The following LAMTOR1 variants were observed in gnomAD, a reference collection of about 807,000 sequenced individuals.
LAMTOR1 encodes late endosomal/lysosomal adaptor, MAPK and MTOR activator 1.
Under a neutral mutation model 20.5 loss-of-function variants are expected in LAMTOR1, and 8 were observed. The observed-to-expected ratio is 0.39, with a 90% CI of 0.23 to 0.70. LAMTOR1 has a LOEUF of 0.70. LAMTOR1 is among the 30% of genes least tolerant of loss of function. The probability of loss-of-function intolerance (pLI) is 0.43; values close to 1 mark genes in which losing one functional copy is unlikely to be tolerated. For synonymous variants in LAMTOR1, 77 were observed against 80.9 expected (o/e 0.95, Z 0.26); for missense variants, 135 against 206.2 (o/e 0.65, Z 2.11).
rs932839689 is a variant in LAMTOR1, at chr11:72,103,274, C to T, written c.-50G>A. On this transcript the variant is annotated 5_prime_UTR_variant, in exon 1 of 5. Coordinates refer to ENST00000278671, the MANE Select transcript of LAMTOR1 (RefSeq NM_017907.3). ...GGCCGCGCCGAGGAGGGACGGCGTC[C>T]GTGAGGAGCCCTTCCGGTCACATGA... The T allele has an allele frequency of 1.9e-5, 29 of 1,541,972 alleles. No homozygotes were observed. The African/African-American group carries it at 3.9e-4, about 20-fold the overall frequency.
chr11:72,103,192 G>C lies in LAMTOR1; in HGVS notation c.33C>G (p.Asp11Glu). 1.3e-6 allele frequency: 2 copies of C among 1,585,934 alleles called. No homozygotes were observed. The highest frequency in any genetic ancestry group is 1.7e-6 in the Non-Finnish European group (2 of 1,165,846). Residue 11 changes from aspartate (D) to glutamate (E), a missense_variant, in exon 1 of 5, where the codon GAC becomes GAG. Asp to Glu is a conservative substitution (Grantham distance 45). Coordinates refer to ENST00000278671, the MANE Select transcript of LAMTOR1 (RefSeq NM_017907.3). ...CCTGCCGCGGCCGCACCTGGTCCGA[G>C]TCCTCGTTCTCGCTGCTGTAGCAGC... MGCCYSSENE[D>E]SDQDREERKL...
intron 1 of LAMTOR1, 24 bp downstream of exon 1, chr11:72,103,159 G>C (rs563701102): frequency 1.8e-5 from 29 of 1,579,040 alleles, no homozygotes; most frequent in African/African-American, 4.0e-5. Flanking sequence ...CCTCATTCCC[G>C]AGCCCCGCCT....
chr11:72,101,020 C>T (rs1309024237), intron 1 of LAMTOR1, among the ~76,000 whole-genome samples: 1 of 152,232 alleles, frequency 6.6e-6, no homozygotes, highest in Non-Finnish European at 1.5e-5. Flanking sequence ...CATAATGAGG[C>T]CCAAGTTAGC....
Position 72,097,691 on chromosome 11 carries a change from C to T in LAMTOR1, c.*131G>A. 6.4e-7 allele frequency: 1 copy of T among 1,551,620 alleles called. No homozygotes were observed. Among genetic ancestry groups the T allele is most frequent in the Non-Finnish European group, 8.7e-7 (1 of 1,147,634 alleles). On this transcript the variant is annotated 3_prime_UTR_variant, in exon 5 of 5. Transcript: ENST00000278671. ...GGCTTCTAGCCTTCCTCTTCTCCTC[C>T]TTCTTCACATTTTTCTCTGTGATTA...
chr11:72,097,575 G>C lies in LAMTOR1; in HGVS notation c.*247C>G, dbSNP rs1945271531. The C allele has an allele frequency of 1.5e-6, 2 of 1,320,406 alleles. No individual in the cohort carries two copies. The highest frequency in any genetic ancestry group is 1.9e-6 in the Non-Finnish European group (2 of 1,029,262). 81.8% of individuals were successfully genotyped at this position (1,320,406 alleles called of 1,614,324 possible). ...TCTCCACATTCTCAATGACTATGAA[G>C]ACATACCAGGCTCTGTCCTTTTGGC... On this transcript the variant is annotated 3_prime_UTR_variant, in exon 5 of 5. Coordinates refer to ENST00000278671, the MANE Select transcript of LAMTOR1 (RefSeq NM_017907.3).
At chr11:72,099,024 C>T in intron 2 of LAMTOR1, 87 bp downstream of exon 2, 2 of 1,542,040 alleles carry the variant, frequency 1.3e-6, no homozygotes, top group Non-Finnish European at 1.8e-6. Context: ...TTGTCCCATC[C>T]CCCATGTCCT....
intron 2 of LAMTOR1, 21 bp from the exon 3 acceptor site, chr11:72,098,879 G>A: frequency 3.9e-6 from 6 of 1,537,486 alleles, no homozygotes; most frequent in Non-Finnish European, 5.3e-6. Context: ...AGGAGACAGA[G>A]ATGACATGAC....
chr11:72,103,105 C>A, intron 1 of LAMTOR1, 78 bp downstream of exon 1: 1 of 1,522,978 alleles, frequency 6.6e-7, no homozygotes, highest in Non-Finnish European at 8.9e-7. Flanking sequence ...GGCTGCCCGT[C>A]CTCCGCAGGT....
At chr11:72,101,457 A>C (rs922576363) in intron 1 of LAMTOR1, among the ~76,000 whole-genome samples, 4 of 152,214 alleles carry the variant, frequency 2.6e-5, no homozygotes, top group African/African-American at 9.6e-5. Context: ...GGGCACTAGC[A>C]CTTCTCAGCT....
At chr11:72,103,138 A>G in intron 1 of LAMTOR1, 45 bp downstream of exon 1, 2 of 1,569,300 alleles carry the variant, frequency 1.3e-6, no homozygotes, top group Non-Finnish European at 1.7e-6. Flanking sequence ...CCCATGCCCC[A>G]GTGTCTTAGC....
chr11:72,100,931 A>G (rs1945413773), intron 1 of LAMTOR1, among the ~76,000 whole-genome samples: 1 of 152,142 alleles, frequency 6.6e-6, no homozygotes, highest in Admixed American at 6.6e-5. Flanking sequence ...CCCTAAATAC[A>G]TAGGCTCAGT....
chr11:72,103,098 T>G (rs1945509400), intron 1 of LAMTOR1, 85 bp downstream of exon 1: 1 of 1,503,296 alleles, frequency 6.7e-7, no homozygotes, highest in Non-Finnish European at 9.1e-7. Context: ...GCAGTCCGGC[T>G]GCCCGTCCTC....
intron 4 of LAMTOR1, 186 bp downstream of exon 4, chr11:72,098,103 G>T: frequency 2.0e-6 from 2 of 999,584 alleles, no homozygotes; most frequent in Non-Finnish European, 2.9e-6. Context: ...AATAAAGGTT[G>T]CAGGAAGGAG....
intron 1 of LAMTOR1, among the ~76,000 whole-genome samples, chr11:72,101,600 T>C (rs139594008): frequency 1.4e-3 from 207 of 152,336 alleles, no homozygotes; most frequent in African/African-American, 4.9e-3. Flanking sequence ...TAACGTGTTG[T>C]ATATTTTTTA....
At chr11:72,098,567 G>A in intron 3 of LAMTOR1, 152 bp from the exon 4 acceptor site, 2 of 1,021,420 alleles carry the variant, frequency 2.0e-6, no homozygotes, top group East Asian at 2.6e-5. Context: ...ACTCAATCTA[G>A]GCCCATCTCC....
chr11:72,101,760 C>T (rs763299334), intron 1 of LAMTOR1, among the ~76,000 whole-genome samples: 1 of 152,094 alleles, frequency 6.6e-6, no homozygotes, highest in Non-Finnish European at 1.5e-5. Flanking sequence ...GTGTTAGGAA[C>T]AGAAATGAGA....
chr11:72,098,006 A>G, intron 4 of LAMTOR1, 92 bp from the exon 5 acceptor site: 1 of 1,434,952 alleles, frequency 7.0e-7, no homozygotes. Context: ...ATGGTGATGG[A>G]GAAGGAGGGA....
rs1476105755 is a variant in LAMTOR1, at chr11:72,103,249, G to T, written c.-25C>A. On this transcript the variant is annotated 5_prime_UTR_variant, in exon 1 of 5. The change creates a new upstream start codon in the 5' untranslated region. Coordinates refer to ENST00000278671, the MANE Select transcript of LAMTOR1 (RefSeq NM_017907.3). ...TGGCCGGGGTCGGGCCGGGCGCTCA[G>T]GCCGCGCCGAGGAGGGACGGCGTCC... 1 of 1,552,190 alleles carries T rather than the reference G, an allele frequency of 6.4e-7. No homozygotes were observed. Among genetic ancestry groups the T allele is most frequent in the South Asian group, 1.2e-5 (1 of 84,364 alleles).
chr11:72,100,767 T>C (rs942790134), intron 1 of LAMTOR1: 3 of 152,294 alleles, frequency 2.0e-5, no homozygotes, highest in African/African-American at 7.2e-5. Context: ...CCTCCTGCCC[T>C]GCTTAGGGAG....
Sources: gnomAD v4.1 joint callset for allele counts (sites outside exome capture counted in the v4.1 genomes callset) on GRCh38, gnomAD v4.1.1 for gene constraint, MANE v1.5 for transcripts, NCBI Gene and HGNC (gene_info 2026-07-23, HGNC 2026-07-21) for gene names.